The following DPP4 variants were observed in gnomAD, a reference collection of about 807,000 sequenced individuals.
DPP4 encodes ADCP-2.
A neutral mutation model predicts 122.4 loss-of-function variants in DPP4; 93 were observed. The ratio of observed to expected loss-of-function variants is 0.76; its 90% CI spans 0.64 to 0.90. The LOEUF is 0.90. Among genes scored for constraint, DPP4 ranks in the 40% least tolerant of loss-of-function variants. DPP4 has a pLI of 0.00. For synonymous variants in DPP4, 321 were observed against 302.9 expected, an observed-to-expected ratio of 1.06 and a Z score of -0.62; for missense variants, 914 against 907.3, an observed-to-expected ratio of 1.01 and a Z score of -0.09.
At chr2:162,017,289 G>A (rs1456597964) in intron 16 of DPP4, 134 bp from the exon 17 acceptor site, 4 of 708,020 alleles carry the variant, frequency 5.6e-6, no homozygotes, top group Non-Finnish European at 9.2e-6. Context: ...TGCATAAGAA[G>A]TTTAATACAT....
chr2:162,010,566 G>A (rs1362829320), intron 20 of DPP4, among the ~76,000 whole-genome samples: 1 of 152,116 alleles, frequency 6.6e-6, no homozygotes, highest in African/African-American at 2.4e-5. Flanking sequence ...GTATATAGTA[G>A]ATCCTTAATT....
At chr2:162,064,483 T>G (rs1684887539) in intron 2 of DPP4, among the ~76,000 whole-genome samples, 1 of 152,222 alleles carries the variant, frequency 6.6e-6, no homozygotes, top group Non-Finnish European at 1.5e-5. Context: ...TATTTTATTT[T>G]TATGGCCATT....
chr2:162,026,225 C>G (rs1366216750), intron 10 of DPP4, among the ~76,000 whole-genome samples: 1 of 152,128 alleles, frequency 6.6e-6, no homozygotes, highest in East Asian at 1.9e-4. Flanking sequence ...CTTTAAGCCC[C>G]TCACAGCTTC....
At chr2:162,018,977 T>TC in intron 15 of DPP4, 127 bp from the exon 16 acceptor site, 1 of 1,254,778 alleles carries the variant, frequency 8.0e-7, no homozygotes, top group South Asian at 1.5e-5. Context: ...CTTTTTTTTT[T>TC]TTAGCATGAA....
At chr2:161,994,555 A>G (rs572474022) in intron 25 of DPP4, among the ~76,000 whole-genome samples, 1 of 152,352 alleles carries the variant, frequency 6.6e-6, no homozygotes, top group East Asian at 1.9e-4. Flanking sequence ...CACTGTTGTT[A>G]GAATAGCTAG....
rs577626040 is a variant in DPP4, at chr2:162,035,197, C to A, written c.741G>T (p.Gln247His). 29 of 1,613,944 alleles carry A rather than the reference C, an allele frequency of 1.8e-5. No homozygotes were observed. The South Asian group carries it at 3.0e-4, about 16-fold the overall frequency. Residue 247 changes from glutamine (Q) to histidine (H), a missense_variant, in exon 9 of 26, where the codon CAG becomes CAT. Physicochemically the swap from Gln to His is conservative, Grantham distance 24. Coordinates refer to ENST00000360534, the MANE Select transcript of DPP4 (RefSeq NM_001935.4). ...ATGGAACCCGTACAGTCTTTGGGTACTGCAGTGACTCATCAGAGTAGAAGG... is the reference window on the plus strand; with the variant it reads ...ATGGAACCCGTACAGTCTTTGGGTAATGCAGTGACTCATCAGAGTAGAAGG... ...EYSFYSDESL[Q>H]YPKTVRVPYP...
chr2:162,059,939 T>C (rs887458276), intron 2 of DPP4, among the ~76,000 whole-genome samples: 3 of 152,250 alleles, frequency 2.0e-5, no homozygotes, highest in Non-Finnish European at 4.4e-5. Context: ...CTAGGCAATG[T>C]AGACTTTCAA....
chr2:162,026,273 G>A (rs1488064403), intron 10 of DPP4, among the ~76,000 whole-genome samples: 1 of 152,126 alleles, frequency 6.6e-6, no homozygotes, highest in Non-Finnish European at 1.5e-5. Flanking sequence ...CTTAATGTGC[G>A]AATGTGCCTG....
chr2:162,060,773 A>G (rs1684739285), intron 2 of DPP4, among the ~76,000 whole-genome samples: 1 of 151,986 alleles, frequency 6.6e-6, no homozygotes, highest in South Asian at 2.1e-4. Context: ...CGATCATTCC[A>G]CACCCCAATC....
At chr2:161,996,865 C>T (rs995960566) in intron 23 of DPP4, among the ~76,000 whole-genome samples, 3 of 152,150 alleles carry the variant, frequency 2.0e-5, no homozygotes, top group Admixed American at 2.0e-4. Flanking sequence ...CAGTTTCAGG[C>T]ATCCACTGGG....
intron 2 of DPP4, among the ~76,000 whole-genome samples, chr2:162,070,911 C>T (rs1040725936): frequency 2.0e-5 from 3 of 152,158 alleles, no homozygotes; most frequent in African/African-American, 7.2e-5. Flanking sequence ...ACAACATCTC[C>T]ACCTGGTTGT....
chr2:161,997,115 A>G (rs1222344744), intron 23 of DPP4, among the ~76,000 whole-genome samples: 1 of 152,240 alleles, frequency 6.6e-6, no homozygotes, highest in Non-Finnish European at 1.5e-5. Context: ...CTGGCCTAGT[A>G]GGCTTAAAAC....
At chr2:162,011,568 A>G (rs1271634894) in intron 20 of DPP4, among the ~76,000 whole-genome samples, 1 of 152,146 alleles carries the variant, frequency 6.6e-6, no homozygotes, top group African/African-American at 2.4e-5. Context: ...AGTCTCATAC[A>G]GAGAGGAATT....
At chr2:162,047,057 T>C in intron 3 of DPP4, 51 bp from the exon 4 acceptor site, 1 of 998,096 alleles carries the variant, frequency 1.0e-6, no homozygotes, top group South Asian at 1.4e-5. Flanking sequence ...ATTAAACATC[T>C]TCATAAGCTG....
In DPP4 at chr2:162,073,483, G is replaced by T. The variant is rs1241246470; in HGVS notation, c.10C>A (p.Pro4Thr). 1.9e-6 allele frequency: 3 copies of T among 1,613,702 alleles called. No individual in the cohort carries two copies. Among genetic ancestry groups the T allele is most frequent in the Non-Finnish European group, 2.5e-6 (3 of 1,180,010 alleles). Residue 4 changes from proline (P) to threonine (T), a missense_variant, in exon 2 of 26, where the codon CCG becomes ACG. Coordinates refer to ENST00000360534, the MANE Select transcript of DPP4 (RefSeq NM_001935.4). The part of the protein sequence containing the change: MKT[P>T]WKVLLGLLGA... ...AGCAGTCCCAGAAGAACCTTCCACG[G>T]TGTCTGCAAGCCGAGCAGATCAAGT...
intron 20 of DPP4, among the ~76,000 whole-genome samples, chr2:162,010,574 A>C (rs1682656089): frequency 6.6e-6 from 1 of 152,118 alleles, no homozygotes; most frequent in Non-Finnish European, 1.5e-5. Flanking sequence ...TAGATCCTTA[A>C]TTTTGTAATT....
At chr2:161,993,541 G>A (rs764432320) in intron 25 of DPP4, among the ~76,000 whole-genome samples, 157 bp from the exon 26 acceptor site, 1 of 152,186 alleles carries the variant, frequency 6.6e-6, no homozygotes, top group Non-Finnish European at 1.5e-5. Flanking sequence ...GGGTCAAAGA[G>A]GGGGTCTAAT....
At chr2:161,993,628 A>T (rs554190569) in intron 25 of DPP4, among the ~76,000 whole-genome samples, 3 of 152,274 alleles carry the variant, frequency 2.0e-5, no homozygotes, top group African/African-American at 7.2e-5. Context: ...GTGCTGAGAG[A>T]ACTCACTGTG....
chr2:162,072,345 A>G (rs1220765640), intron 2 of DPP4, among the ~76,000 whole-genome samples: 2 of 152,250 alleles, frequency 1.3e-5, no homozygotes, highest in African/African-American at 4.8e-5. Context: ...TTAATGGTAT[A>G]AAATAGTAGC....
Sources: gnomAD v4.1 joint callset for allele counts (sites outside exome capture counted in the v4.1 genomes callset) on GRCh38, gnomAD v4.1.1 for gene constraint, MANE v1.5 for transcripts, NCBI Gene and HGNC (gene_info 2026-07-23, HGNC 2026-07-21) for gene names.